The following MRNIP variants were observed in gnomAD, a reference collection of about 807,000 sequenced individuals.
MRNIP encodes the protein MRN complex-interacting protein.
A neutral mutation model predicts 29.8 loss-of-function variants in MRNIP; 30 were observed. The observed-to-expected ratio is 1.01, with a 90% confidence interval of 0.75 to 1.36. The LOEUF (loss-of-function observed/expected upper bound fraction) is 1.36. Ranked by LOEUF, MRNIP falls within the 40% of genes most tolerant of loss-of-function variation. The pLI, the probability that MRNIP is intolerant of heterozygous loss-of-function variation, is 0.00. For synonymous variants in MRNIP, 201 were observed against 164.1 expected (o/e 1.23, Z -1.72); for missense variants, 459 against 423.5 (o/e 1.08, Z -0.74).
In MRNIP at chr5:179,848,303, C is replaced by T. The variant is rs1759213194; in HGVS notation, c.127-237G>A. On this transcript the variant is annotated intron_variant, in intron 2 of 6. Coordinates refer to ENST00000292586, the MANE Select transcript of MRNIP (RefSeq NM_016175.4). ...GGCTGTCCCACAATCACCCTGAACTCTACCTACTGAAGCCAAACTCAACCC... is the reference window on the plus strand; with the variant it reads ...GGCTGTCCCACAATCACCCTGAACTTTACCTACTGAAGCCAAACTCAACCC... 2.0e-5 allele frequency among the ~76,000 whole-genome samples: 3 copies of T among 152,208 alleles called. No individual in the cohort carries two copies. In the South Asian group the frequency reaches 6.2e-4, roughly 31 times the overall value.
intron 1 of MRNIP, among the ~76,000 whole-genome samples, 161 bp from the exon 2 acceptor site, chr5:179,853,598 C>T (rs1416840634): frequency 6.6e-6 from 1 of 152,028 alleles, no homozygotes; most frequent in Non-Finnish European, 1.5e-5. Flanking sequence ...ATGGTGAAAC[C>T]CAGTCTCTAC....
At position 179,850,098 on chromosome 5, in the gene MRNIP, G is replaced by A. The variant is rs562875156; in HGVS notation, c.127-2032C>T. Among the ~76,000 whole-genome samples the A allele has an allele frequency of 4.6e-5, 7 of 151,578 alleles. No homozygotes were observed. In the East Asian group the frequency reaches 7.8e-4, roughly 17 times the overall value. On this transcript the variant is annotated intron_variant, in intron 2 of 6. Transcript: ENST00000292586. ...CTGCTATGGCACAGGCAGATGGTAC[G>A]AGATGGAATTTGAGAGCATGAGTCC... is the stretch of plus-strand genomic sequence containing the variant.
rs1554093105 is a variant in MRNIP at position 179,843,045 on chromosome 5, G to GGAAA, written c.292-982_292-981insTTTC. ...AGACTCTGTCGAAAGGAGGAAAGAAGGAAGGAAGGAAGGAAGGGAGGGAGG... is the reference window on the plus strand; with the variant it reads ...AGACTCTGTCGAAAGGAGGAAAGAAGGAAAGAAGGAAGGAAGGAAGGGAGGGAGG... On this transcript the variant is annotated intron_variant, in intron 4 of 6. Coordinates refer to ENST00000292586, the MANE Select transcript of MRNIP (RefSeq NM_016175.4). Among the ~76,000 whole-genome samples, 71 of 109,812 alleles carry GGAAA rather than the reference G, an allele frequency of 6.5e-4. No individual in the cohort carries two copies. The East Asian group carries it at 0.012, about 18-fold the overall frequency. The allele number at this position is 109,812 out of a possible 152,430, so 72.0% of individuals were successfully genotyped here. A position where few individuals can be genotyped will look rare whatever the true frequency, so the allele number is the denominator to read the frequency against.
chr5:179,848,706 A>G (rs1055026673), intron 2 of MRNIP, among the ~76,000 whole-genome samples: 1 of 152,248 alleles, frequency 6.6e-6, no homozygotes, highest in Non-Finnish European at 1.5e-5. Context: ...GAGGTCGTAC[A>G]TAAGAGCATA....
At chr5:179,841,856 G>A in intron 5 of MRNIP, 51 bp downstream of exon 5, 1 of 1,584,728 alleles carries the variant, frequency 6.3e-7, no homozygotes, top group Non-Finnish European at 8.6e-7. Flanking sequence ...CCCCACTGCT[G>A]GAGGCAGCAG....
chr5:179,842,268 G>A (rs555683758), intron 4 of MRNIP, among the ~76,000 whole-genome samples: 16 of 152,092 alleles, frequency 1.1e-4, no homozygotes, highest in Non-Finnish European at 1.5e-4. Flanking sequence ...TCGGGAAGGC[G>A]GCAGGGCACG....
intron 1 of MRNIP, among the ~76,000 whole-genome samples, chr5:179,854,638 C>A (rs1266004783): frequency 6.6e-6 from 1 of 151,954 alleles, no homozygotes; most frequent in Non-Finnish European, 1.5e-5. Context: ...CAAAACAAAA[C>A]CACTCTGAAA....
At chr5:179,837,974 C>T in intron 6 of MRNIP, 89 bp from the exon 7 acceptor site, 1 of 1,310,032 alleles carries the variant, frequency 7.6e-7, no homozygotes, top group East Asian at 2.3e-5. Flanking sequence ...CTTGGCTGGG[C>T]CTCTGGTTCT....
rs1328205017 is a variant in MRNIP at position 179,837,339 on chromosome 5, A to G, written c.*52T>C. 1 of 1,585,124 alleles carries G rather than the reference A, an allele frequency of 6.3e-7. No individual in the cohort carries two copies. Among genetic ancestry groups the G allele is most frequent in the Non-Finnish European group, 8.6e-7 (1 of 1,165,608 alleles). On this transcript the variant is annotated 3_prime_UTR_variant, in exon 7 of 7. Coordinates refer to ENST00000292586, the MANE Select transcript of MRNIP (RefSeq NM_016175.4). ...GTATCTTTAAAAGTGCCTTAGGGGA[A>G]CCCTGTCCCTCCTAACAAGTGTATC...
chr5:179,841,759 TG>T (rs1318989503), intron 5 of MRNIP, 147 bp downstream of exon 5: 1 of 807,476 alleles, frequency 1.2e-6, no homozygotes, highest in East Asian at 2.5e-5. Flanking sequence ...GGGCCAGCAG[TG>T]GCAGCAGCTG....
chr5:179,842,115 T>C, intron 4 of MRNIP, 51 bp from the exon 5 acceptor site: 1 of 1,588,026 alleles, frequency 6.3e-7, no homozygotes, highest in South Asian at 1.1e-5. Context: ...CCAGGCAGTT[T>C]TATCGAAAAC....
chr5:179,843,065 G>A (rs967285615), intron 4 of MRNIP, among the ~76,000 whole-genome samples: 2 of 146,022 alleles, frequency 1.4e-5, no homozygotes, highest in South Asian at 2.2e-4. Context: ...AAGGAAGGGA[G>A]GGAGGGAGGG....
intron 1 of MRNIP, among the ~76,000 whole-genome samples, chr5:179,855,959 A>C (rs1582059605): frequency 7.8e-6 from 1 of 128,320 alleles, no homozygotes; most frequent in Non-Finnish European, 1.5e-5. Context: ...CCCAGGCTGG[A>C]GCACTGTGGC....
intron 6 of MRNIP, chr5:179,838,185 A>C: frequency 2.2e-6 from 1 of 446,954 alleles, no homozygotes; most frequent in Non-Finnish European, 4.1e-6. Context: ...GTGCCTACAA[A>C]AGAATTTTGA....
chr5:179,854,222 G>A (rs1330732853), intron 1 of MRNIP, among the ~76,000 whole-genome samples: 7 of 151,392 alleles, frequency 4.6e-5, no homozygotes, highest in South Asian at 2.1e-4. Flanking sequence ...GGGTTTCACC[G>A]TGTTGGCCAG....
chr5:179,841,825 G>A (rs534416522), intron 5 of MRNIP, 82 bp downstream of exon 5: 6 of 1,435,678 alleles, frequency 4.2e-6, no homozygotes, highest in African/African-American at 2.8e-5. Flanking sequence ...CTTGGCTGAC[G>A]CTCACAGTGG....
chr5:179,857,101 A>C (rs891092304), intron 1 of MRNIP, among the ~76,000 whole-genome samples: 1 of 152,052 alleles, frequency 6.6e-6, no homozygotes, highest in African/African-American at 2.4e-5. Flanking sequence ...TAAATAAGTA[A>C]ATAAATAAAT....
rs1207261915 is a variant in MRNIP at position 179,837,478 on chromosome 5, C to T, written c.945G>A (p.Gly315=). The T allele has an allele frequency of 6.2e-7, 1 of 1,613,982 alleles. No homozygotes were observed. Among genetic ancestry groups the T allele is most frequent in the Non-Finnish European group, 8.5e-7 (1 of 1,179,906 alleles). ...GATTCTGTGCCTCCAGGACCAGGGG[C>T]CCACCCTCTGCCCAGGGAGTCCTTG... ...WDARTPWAEG[G]PLVLEAQNPR... is the part of the protein sequence containing the mutation. The change falls in exon 7 of 7, where the codon GGG becomes GGA. Residue 315 remains glycine (G), a synonymous_variant. Coordinates refer to ENST00000292586, the MANE Select transcript of MRNIP (RefSeq NM_016175.4).
chr5:179,837,992 T>C, intron 6 of MRNIP, 107 bp from the exon 7 acceptor site: 1 of 1,079,504 alleles, frequency 9.3e-7, no homozygotes, highest in East Asian at 2.4e-5. Flanking sequence ...TCTGACACTT[T>C]CTGCTGGAAG....
Sources: allele counts gnomAD v4.1 joint callset (sites outside exome capture counted in the v4.1 genomes callset), GRCh38; gene constraint gnomAD v4.1.1; transcripts MANE v1.5; gene names NCBI Gene and HGNC (gene_info 2026-07-23, HGNC 2026-07-21).